The following ANKAR variants were observed in gnomAD, a reference collection of about 807,000 sequenced individuals.
The protein encoded by ANKAR is ankyrin and armadillo repeat containing, also known as ankyrin and armadillo repeat-containing protein.
A neutral mutation model predicts 146.2 loss-of-function variants in ANKAR; 136 were observed. The ratio of observed to expected loss-of-function variants is 0.93; its 90% confidence interval spans 0.81 to 1.07. The LOEUF (loss-of-function observed/expected upper bound fraction) is 1.07. Among genes scored for constraint, ANKAR ranks in the 50% least tolerant of loss-of-function variants. The probability of loss-of-function intolerance (pLI) is 0.00; values close to 1 mark genes in which losing one functional copy is unlikely to be tolerated. For synonymous variants in ANKAR, 500 were observed against 575.8 expected (o/e 0.87, Z 1.88); for missense variants, 1,567 against 1,679.9 (o/e 0.93, Z 1.18).
At chr2:189,743,608 T>C in intron 21 of ANKAR, 134 bp downstream of exon 21, 1 of 851,990 alleles carries the variant, frequency 1.2e-6, no homozygotes, top group Non-Finnish European at 1.8e-6. Context: ...ATAAACTTTA[T>C]TCTAAATGAC....
intron 19 of ANKAR, among the ~76,000 whole-genome samples, chr2:189,740,403 G>C (rs2043214891): frequency 1.3e-5 from 2 of 152,102 alleles, no homozygotes; most frequent in African/African-American, 4.8e-5. Flanking sequence ...ATAGAGGCCA[G>C]ACAAAAATAT....
At position 189,722,934 on chromosome 2, in the gene ANKAR, A is replaced by G. The variant is rs148677637; in HGVS notation, c.2635+2147A>G. 5.8e-3 allele frequency among the ~76,000 whole-genome samples: 886 copies of G among 152,124 alleles called. 5 individuals are homozygous for G. Among genetic ancestry groups the G allele is most frequent in the Admixed American group, 0.012 (181 of 15,264 alleles). On this transcript the variant is annotated intron_variant, in intron 12 of 22. Coordinates refer to ENST00000684021, the MANE Select transcript of ANKAR (RefSeq NM_001378068.1). ...GTATGAAATAAATTATTGAAATAAA[A>G]GTATTTTTTCCTACACCATAATCTA...
intron 10 of ANKAR, among the ~76,000 whole-genome samples, chr2:189,717,703 A>G (rs1321579893): frequency 1.3e-5 from 2 of 152,222 alleles, no homozygotes; most frequent in Non-Finnish European, 2.9e-5. Flanking sequence ...TCCATCAATG[A>G]TAGACTGGAT....
chr2:189,722,879 TAAA>T (rs757432393), intron 12 of ANKAR, among the ~76,000 whole-genome samples: 1 of 125,764 alleles, frequency 8.0e-6, no homozygotes, highest in African/African-American at 2.9e-5. Context: ...AGACACTGTC[TAAA>T]AAAAAAAAAA....
intron 2 of ANKAR, among the ~76,000 whole-genome samples, chr2:189,677,699 T>TG (rs201447689): frequency 0.018 from 2,745 of 151,402 alleles, 87 homozygotes; most frequent in African/African-American, 0.063. Context: ...TTTTTGGAGA[T>TG]GGGGTCTCCC....
intron 8 of ANKAR, 85 bp downstream of exon 8, chr2:189,705,309 A>T: frequency 7.2e-7 from 1 of 1,390,528 alleles, no homozygotes; most frequent in Non-Finnish European, 9.9e-7. Flanking sequence ...TAAATAGAAT[A>T]TAAATTTCTG....
At chr2:189,723,167 A>G (rs1372734361) in intron 12 of ANKAR, among the ~76,000 whole-genome samples, 1 of 152,170 alleles carries the variant, frequency 6.6e-6, no homozygotes, top group East Asian at 1.9e-4. Flanking sequence ...CTAAGATTTC[A>G]TGTATTAAAA....
At chr2:189,758,079 G>C (rs2046352067) in intron 18 of ANKAR, among the ~76,000 whole-genome samples, 1 of 152,066 alleles carries the variant, frequency 6.6e-6, no homozygotes, top group Non-Finnish European at 1.5e-5. Context: ...GTTCTCATGA[G>C]ATCTTGTTGT....
downstream of ANKAR, chr2:189,750,443 A>G: frequency 2.3e-6 from 1 of 430,434 alleles, no homozygotes; most frequent in Non-Finnish European, 3.8e-6. Flanking sequence ...CAGGTAAAAC[A>G]TCAAATAGAA....
intron 20 of ANKAR, among the ~76,000 whole-genome samples, chr2:189,742,492 T>C (rs930259102): frequency 6.6e-6 from 1 of 152,172 alleles, no homozygotes; most frequent in African/African-American, 2.4e-5. Context: ...CACTTGTGCT[T>C]CTTTCTGTTT....
chr2:189,737,593 T>C (rs2042972160), intron 17 of ANKAR, 90 bp from the exon 18 acceptor site: 1 of 1,173,636 alleles, frequency 8.5e-7, no homozygotes, highest in Non-Finnish European at 1.2e-6. Context: ...AAGAATGCAA[T>C]ATATTTTAAT....
chr2:189,719,570 A>G lies in ANKAR; in HGVS notation c.2225-2A>G. ...TTAATTTTTTTGCTCTTGTCATTAC[A>G]GGCACCATTCCTGCCTTAATCAATC... On this transcript the variant is annotated splice_acceptor_variant, in intron 10 of 22. Transcript: ENST00000684021. LOFTEE classifies it high-confidence loss of function. 6.3e-7 allele frequency: 1 copy of G among 1,592,318 alleles called. No homozygotes were observed. Among genetic ancestry groups the G allele is most frequent in the Non-Finnish European group, 8.6e-7 (1 of 1,163,884 alleles).
intron 2 of ANKAR, among the ~76,000 whole-genome samples, chr2:189,684,992 G>A (rs1035286179): frequency 6.6e-6 from 1 of 151,162 alleles, no homozygotes; most frequent in South Asian, 2.1e-4. Context: ...TTTACATAAT[G>A]TGCACTTTGT....
chr2:189,709,179 C>T (rs58277332), intron 9 of ANKAR, among the ~76,000 whole-genome samples: 148 of 152,210 alleles, frequency 9.7e-4, no homozygotes, highest in African/African-American at 3.3e-3. Context: ...TTACAGTGCT[C>T]AGCTGTGAAT....
intron 18 of ANKAR, chr2:189,752,584 TA>T: frequency 6.5e-7 from 1 of 1,526,956 alleles, no homozygotes; most frequent in Non-Finnish European, 9.0e-7. Context: ...ACCTCATATA[TA>T]AAGGCAAAAT....
intron 7 of ANKAR, among the ~76,000 whole-genome samples, chr2:189,696,649 A>C (rs900464316): frequency 6.6e-6 from 1 of 152,190 alleles, no homozygotes; most frequent in Non-Finnish European, 1.5e-5. Flanking sequence ...GTGGTATACT[A>C]ATGTCCAGAT....
intron 9 of ANKAR, among the ~76,000 whole-genome samples, chr2:189,708,979 G>A (rs1198078564): frequency 6.6e-6 from 1 of 152,180 alleles, no homozygotes; most frequent in Admixed American, 6.5e-5. Context: ...GCACGTGCCT[G>A]TAGTCCTAGC....
At chr2:189,716,708 A>C (rs1212125040) in intron 10 of ANKAR, among the ~76,000 whole-genome samples, 1 of 152,262 alleles carries the variant, frequency 6.6e-6, no homozygotes, top group Non-Finnish European at 1.5e-5. Context: ...AGCTACAGTA[A>C]CCAAAACAAC....
chr2:189,743,201 A>T, intron 20 of ANKAR, 74 bp from the exon 21 acceptor site: 1 of 1,433,374 alleles, frequency 7.0e-7, no homozygotes, highest in South Asian at 1.3e-5. Context: ...TTTCCTATGA[A>T]ATAGCTAATT....
Sources: gnomAD v4.1 joint callset for allele counts (sites outside exome capture counted in the v4.1 genomes callset) on GRCh38, gnomAD v4.1.1 for gene constraint, MANE v1.5 for transcripts, NCBI Gene and HGNC (gene_info 2026-07-23, HGNC 2026-07-21) for gene names.